SLC30A7: variants seen among roughly 807,000 people sequenced by gnomAD.
SLC30A7 encodes the protein solute carrier family 30 member 7.
Under a neutral mutation model 46.0 loss-of-function variants are expected in SLC30A7, and 35 were observed. That is an observed-to-expected ratio of 0.76 (90% CI 0.58 to 1.01). SLC30A7 has a LOEUF of 1.01. Ranked by LOEUF, SLC30A7 falls within the 50% of genes least tolerant of loss-of-function variation. SLC30A7 has a pLI of 0.00. For synonymous variants in SLC30A7, 147 were observed against 157.8 expected (o/e 0.93, Z 0.51); for missense variants, 464 against 451.1 (o/e 1.03, Z -0.26).
chr1:100,989,322 T>C, the SLC30A7 span, among the ~76,000 whole-genome samples: 21 of 152,376 alleles, frequency 1.4e-4, no homozygotes, highest in African/African-American at 5.1e-4. Context: ...TGAAAGATGC[T>C]ATTTAAAACC....
the SLC30A7 span, among the ~76,000 whole-genome samples, chr1:100,991,552 C>G: frequency 6.6e-6 from 1 of 152,136 alleles, no homozygotes; most frequent in East Asian, 1.9e-4. Flanking sequence ...TTTTGGGAGG[C>G]TGAGGCAGGC....
the SLC30A7 span, among the ~76,000 whole-genome samples, chr1:100,993,598 A>ATATATATATATATATATG: frequency 2.3e-5 from 3 of 128,258 alleles, no homozygotes; most frequent in East Asian, 4.5e-4. Flanking sequence ...ATATATATAT[A>ATATATATATATATATATG]GCTATTGTGG....
intron 2 of SLC30A7, among the ~76,000 whole-genome samples, chr1:100,900,799 T>C (rs1361986428): frequency 2.6e-5 from 4 of 152,210 alleles, no homozygotes; most frequent in Admixed American, 2.0e-4. Context: ...TGGTAAGGGA[T>C]TTCTGAATTA....
At chr1:100,960,947 GTTTTTTTT>G (rs11354218) in intron 8 of SLC30A7, among the ~76,000 whole-genome samples, 1 of 86,314 alleles carries the variant, frequency 1.2e-5, no homozygotes, top group Non-Finnish European at 2.2e-5. Flanking sequence ...TGTTTTGTGT[GTTTTTTTT>G]TTTTTTTTTT....
At chr1:100,987,574 A>C in the SLC30A7 span, among the ~76,000 whole-genome samples, 1 of 152,054 alleles carries the variant, frequency 6.6e-6, no homozygotes, top group Non-Finnish European at 1.5e-5. Context: ...CTTTTTGTCC[A>C]TGAACATAGT....
At chr1:100,960,947 GTTTTTTTTTTTTTT>G (rs11354218) in intron 8 of SLC30A7, among the ~76,000 whole-genome samples, 3 of 86,314 alleles carry the variant, frequency 3.5e-5, no homozygotes, top group Non-Finnish European at 6.6e-5. Flanking sequence ...TGTTTTGTGT[GTTTTTTTTTTTTTT>G]TTTTTTTTTT....
At chr1:100,920,948 T>G (rs1198852455) in intron 7 of SLC30A7, among the ~76,000 whole-genome samples, 1 of 152,042 alleles carries the variant, frequency 6.6e-6, no homozygotes, top group Non-Finnish European at 1.5e-5. Context: ...TCAGTTGAGT[T>G]TTTTCAGAAA....
chr1:100,986,747 A>C (rs973784609), downstream of SLC30A7, among the ~76,000 whole-genome samples: 1 of 152,218 alleles, frequency 6.6e-6, no homozygotes, highest in East Asian at 1.9e-4. Context: ...ATGAGAGAAC[A>C]CTACTTAGCA....
At chr1:100,900,454 CAT>C (rs758575431) in intron 2 of SLC30A7, among the ~76,000 whole-genome samples, 97 of 152,276 alleles carry the variant, frequency 6.4e-4, no homozygotes, top group Admixed American at 1.4e-3. Flanking sequence ...CTATCAATCA[CAT>C]GTTTTTCTAT....
chr1:100,970,374 G>T (rs1408894417), intron 10 of SLC30A7, among the ~76,000 whole-genome samples: 1 of 152,000 alleles, frequency 6.6e-6, no homozygotes, highest in South Asian at 2.1e-4. Context: ...CTATAGTTTT[G>T]TGACTATATC....
At chr1:100,981,918 T>G (rs1656958597), downstream of SLC30A7, among the ~76,000 whole-genome samples, 2 of 152,206 alleles carry the variant, frequency 1.3e-5, no homozygotes, top group African/African-American at 4.8e-5. Context: ...GCTAGGAGGT[T>G]GGAAGTATCT....
the SLC30A7 span, among the ~76,000 whole-genome samples, chr1:100,991,600 A>C: frequency 6.6e-6 from 1 of 152,016 alleles, no homozygotes; most frequent in African/African-American, 2.4e-5. Flanking sequence ...CCAGCTGGGC[A>C]ACATGGTGAA....
intron 8 of SLC30A7, among the ~76,000 whole-genome samples, chr1:100,954,200 G>A (rs1272969257): frequency 6.6e-6 from 1 of 152,156 alleles, no homozygotes; most frequent in East Asian, 1.9e-4. Context: ...TCACTCTAGA[G>A]AACATAACTG....
chr1:100,988,496 A>T, the SLC30A7 span, among the ~76,000 whole-genome samples: 1 of 152,190 alleles, frequency 6.6e-6, no homozygotes, highest in Admixed American at 6.5e-5. Context: ...TGAGAAGAAA[A>T]TAATATACAA....
intron 9 of SLC30A7, among the ~76,000 whole-genome samples, 157 bp downstream of exon 9, chr1:100,962,075 A>G (rs925944713): frequency 6.6e-6 from 1 of 152,224 alleles, no homozygotes; most frequent in Non-Finnish European, 1.5e-5. Flanking sequence ...CCAGAATAAA[A>G]TTGTCGGAAA....
At chr1:100,993,595 TATAG>T in the SLC30A7 span, among the ~76,000 whole-genome samples, 4 of 127,528 alleles carry the variant, frequency 3.1e-5, no homozygotes, top group African/African-American at 1.2e-4. Flanking sequence ...TATATATATA[TATAG>T]CTATTGTGGC....
intron 8 of SLC30A7, among the ~76,000 whole-genome samples, chr1:100,935,557 C>T (rs2101050485): frequency 6.6e-6 from 1 of 152,254 alleles, no homozygotes; most frequent in South Asian, 2.1e-4. Context: ...TAATCACTAT[C>T]AAATGTGATT....
Position 100,946,772 on chromosome 1 carries a change from C to G in SLC30A7, c.843-15056C>G, listed in dbSNP as rs145070096. Among the ~76,000 whole-genome samples the G allele has an allele frequency of 2.6e-3, 393 of 152,174 alleles. 2 individuals carry two copies. The highest frequency in any genetic ancestry group is 8.8e-3 in the African/African-American group (366 of 41,526). ...TTTTTTTTGTAGTGTCTCTGCCGGGCTTTGGTATCTGCATGATGCTGGCCT... is the reference window on the plus strand; with the variant it reads ...TTTTTTTTGTAGTGTCTCTGCCGGGGTTTGGTATCTGCATGATGCTGGCCT... On this transcript the variant is annotated intron_variant, in intron 8 of 10. Transcript: ENST00000357650.
At position 100,977,424 on chromosome 1, in the gene SLC30A7, T is replaced by A. The variant is rs1463395650; in HGVS notation, c.*2567T>A. The A allele has an allele frequency of 6.6e-6, 1 of 152,202 alleles. No individual in the cohort carries two copies. The highest frequency in any genetic ancestry group is 1.5e-5 in the Non-Finnish European group (1 of 68,030). 9.4% of individuals were successfully genotyped at this position (152,202 alleles called of 1,614,324 possible). A position where few individuals can be genotyped will look rare whatever the true frequency, so the allele number is the denominator to read the frequency against. On this transcript the variant is annotated 3_prime_UTR_variant, in exon 11 of 11. Transcript: ENST00000357650. ...TACCTATGTGTGCAGCAGTAAAAAA[T>A]TAGTGAGAAAAAGCAACTTTTTGTC...
Sources: allele counts gnomAD v4.1 joint callset (sites outside exome capture counted in the v4.1 genomes callset), GRCh38; gene constraint gnomAD v4.1.1; transcripts MANE v1.5; gene names NCBI Gene and HGNC (gene_info 2026-07-23, HGNC 2026-07-21).